The following BTG3 variants were observed in gnomAD, a reference collection of about 807,000 sequenced individuals.
The protein encoded by BTG3 is protein BTG3.
Under a neutral mutation model 25.8 loss-of-function variants are expected in BTG3, and 4 were observed. The observed-to-expected ratio is 0.16, with a 90% CI of 0.08 to 0.36. The LOEUF is 0.36. Among genes scored for constraint, BTG3 ranks in the 10% least tolerant of loss-of-function variants. The pLI, the probability that BTG3 is intolerant of heterozygous loss-of-function variation, is 1.00. For synonymous variants in BTG3, 107 were observed against 99.9 expected (o/e 1.07, Z -0.42); for missense variants, 201 against 304.9 (o/e 0.66, Z 2.54).
In BTG3 at chr21:17,609,825, T is replaced by C. The variant is rs563410870; in HGVS notation, c.-8-673A>G. ...ACACGTATGGAATATTATTCAGCAA[T>C]GAAAAGGAATGAGTACTAATACAAG... On this transcript the variant is annotated intron_variant, in intron 1 of 4. Coordinates refer to ENST00000348354, the MANE Select transcript of BTG3 (RefSeq NM_006806.5). 1.4e-4 allele frequency among the ~76,000 whole-genome samples: 21 copies of C among 152,206 alleles called. No homozygotes were observed. The East Asian group carries it at 3.7e-3, about 27-fold the overall frequency.
At chr21:17,595,993 G>A (rs1471002417) in intron 4 of BTG3, among the ~76,000 whole-genome samples, 1 of 151,932 alleles carries the variant, frequency 6.6e-6, no homozygotes, top group Non-Finnish European at 1.5e-5. Flanking sequence ...TGTTTCATAT[G>A]GATTTAATCT....
At chr21:17,601,891 G>C (rs916700893) in intron 3 of BTG3, among the ~76,000 whole-genome samples, 1 of 152,170 alleles carries the variant, frequency 6.6e-6, no homozygotes, top group Non-Finnish European at 1.5e-5. Context: ...AGATTTCTTT[G>C]ACACCTAGTT....
chr21:17,596,606 G>A (rs1044549073), intron 4 of BTG3, among the ~76,000 whole-genome samples: 4 of 151,962 alleles, frequency 2.6e-5, no homozygotes, highest in African/African-American at 7.2e-5. Flanking sequence ...CTGTATGTAT[G>A]TGGGTCTACT....
At chr21:17,605,105 T>A (rs2061622042) in intron 2 of BTG3, 108 bp from the exon 3 acceptor site, 2 of 1,262,284 alleles carry the variant, frequency 1.6e-6, no homozygotes, top group African/African-American at 1.5e-5. Context: ...AATAAAAAAA[T>A]ACCCTGGTAG....
chr21:17,611,014 T>A (rs2061714043), intron 1 of BTG3, among the ~76,000 whole-genome samples: 1 of 152,052 alleles, frequency 6.6e-6, no homozygotes, highest in East Asian at 1.9e-4. Flanking sequence ...AACCCTAGAA[T>A]GAGAAATTCA....
chr21:17,597,560 G>C (rs1001408587), intron 4 of BTG3, among the ~76,000 whole-genome samples: 1 of 151,970 alleles, frequency 6.6e-6, no homozygotes, highest in Non-Finnish European at 1.5e-5. Context: ...TGGTTGGGGA[G>C]AAAGAGGACT....
At chr21:17,594,454 C>T in intron 4 of BTG3, 122 bp from the exon 5 acceptor site, 2 of 1,160,848 alleles carry the variant, frequency 1.7e-6, no homozygotes, top group Non-Finnish European at 2.4e-6. Flanking sequence ...AGTGACACTC[C>T]TATTGTCAGG....
chr21:17,607,215 T>C (rs554709712), intron 2 of BTG3, among the ~76,000 whole-genome samples: 1 of 152,200 alleles, frequency 6.6e-6, no homozygotes, highest in Non-Finnish European at 1.5e-5. Context: ...GGAAATGAAA[T>C]TGTACACTGT....
chr21:17,603,210 A>AG (rs761758889), intron 3 of BTG3, among the ~76,000 whole-genome samples: 38 of 152,320 alleles, frequency 2.5e-4, no homozygotes, highest in Admixed American at 4.6e-4. Context: ...TTATAAATGG[A>AG]GGTCTTCTGC....
At chr21:17,612,558 G>A (rs1744502943) in intron 1 of BTG3, 141 bp downstream of exon 1, 1 of 151,992 alleles carries the variant, frequency 6.6e-6, no homozygotes, top group Non-Finnish European at 1.5e-5. Flanking sequence ...ATGCAACCTG[G>A]TTCCATCCCC....
chr21:17,607,435 G>A (rs2123472988), intron 2 of BTG3, among the ~76,000 whole-genome samples: 1 of 152,190 alleles, frequency 6.6e-6, no homozygotes, highest in East Asian at 1.9e-4. Context: ...AAAATGACTT[G>A]AGCCTGTGTT....
intron 1 of BTG3, 116 bp from the exon 2 acceptor site, chr21:17,609,268 G>T: frequency 2.0e-6 from 2 of 1,001,320 alleles, no homozygotes; most frequent in Non-Finnish European, 2.8e-6. Flanking sequence ...ATTTTATCTT[G>T]TATTTCTTTG....
chr21:17,604,057 T>C (rs1039494463), intron 3 of BTG3: 1 of 1,130,182 alleles, frequency 8.8e-7, no homozygotes, highest in Non-Finnish European at 1.1e-6. Context: ...TACCTAGCAC[T>C]GATCTTTCAC....
At chr21:17,605,214 A>G in intron 2 of BTG3, 1 of 467,986 alleles carries the variant, frequency 2.1e-6, no homozygotes, top group Non-Finnish European at 3.7e-6. Flanking sequence ...AGCCCAAGGA[A>G]ATCACTAGTA....
intron 2 of BTG3, among the ~76,000 whole-genome samples, chr21:17,605,582 TATTTC>T (rs1367566069): frequency 1.3e-5 from 2 of 152,234 alleles, no homozygotes; most frequent in Admixed American, 6.5e-5. Context: ...GTTATTGGCT[TATTTC>T]ATTTAACTTC....
rs866290673 is a variant in BTG3, at chr21:17,612,878, G to C, written c.-188C>G. 6.6e-6 allele frequency: 1 copy of C among 152,076 alleles called. No homozygotes were observed. Among genetic ancestry groups the C allele is most frequent in the African/African-American group, 2.4e-5 (1 of 41,434 alleles). The allele number at this position is 152,076 out of a possible 1,614,324, so 9.4% of individuals were successfully genotyped here. A position where few individuals can be genotyped will look rare whatever the true frequency, so the allele number is the denominator to read the frequency against. ...CCAAGCGCGCGTTGAGAGGACTGGCGGGCGGACGAGCGCGCACACGAGTGA... is the reference window on the plus strand; with the variant it reads ...CCAAGCGCGCGTTGAGAGGACTGGCCGGCGGACGAGCGCGCACACGAGTGA... On this transcript the variant is annotated 5_prime_UTR_variant, in exon 1 of 5. Transcript: ENST00000348354.
chr21:17,602,946 T>G (rs1006430311), intron 3 of BTG3, among the ~76,000 whole-genome samples: 3 of 152,230 alleles, frequency 2.0e-5, no homozygotes, highest in Non-Finnish European at 4.4e-5. Context: ...GAACGTAAAC[T>G]ATTTGATTGT....
In BTG3 at chr21:17,603,868, A is replaced by G. The variant is rs538110832; in HGVS notation, c.311+992T>C. Reference sequence around the variant, plus strand: ...TCTACTTTGTGCAACCTACCACTGCATTTTGTACACATTTCTAACATAAAT... The same window carrying G: ...TCTACTTTGTGCAACCTACCACTGCGTTTTGTACACATTTCTAACATAAAT... On this transcript the variant is annotated intron_variant, in intron 3 of 4. Transcript: ENST00000348354. Among the ~76,000 whole-genome samples the G allele has an allele frequency of 1.1e-4, 17 of 152,304 alleles. No individual in the cohort carries two copies. In the East Asian group the frequency reaches 1.3e-3, roughly 12 times the overall value.
chr21:17,596,172 A>C (rs962193094), intron 4 of BTG3, among the ~76,000 whole-genome samples: 1 of 152,140 alleles, frequency 6.6e-6, no homozygotes, highest in Middle Eastern at 3.4e-3. Context: ...TTTTAAAAAA[A>C]GTATATTCTG....
Sources: allele counts gnomAD v4.1 joint callset (sites outside exome capture counted in the v4.1 genomes callset), GRCh38; gene constraint gnomAD v4.1.1; transcripts MANE v1.5; gene names NCBI Gene and HGNC (gene_info 2026-07-23, HGNC 2026-07-21).